ART3: variants seen among roughly 807,000 people sequenced by gnomAD.
ART3 encodes the protein ADP-ribosyltransferase 3 (inactive).
ART3 carries 49 observed loss-of-function variants against 48.5 expected under a neutral mutation model. The observed-to-expected ratio is 1.01, with a 90% CI of 0.80 to 1.28. ART3 has a LOEUF of 1.28. Ranked by LOEUF, ART3 falls within the 50% of genes most tolerant of loss-of-function variation. The probability of loss-of-function intolerance (pLI) is 0.00; values close to 1 mark genes in which losing one functional copy is unlikely to be tolerated. For missense variants in ART3, 438 were observed against 454.3 expected (o/e 0.96, Z 0.33); for synonymous variants, 145 against 157.2 (o/e 0.92, Z 0.58).
chr4:76,025,057 A>G (rs561450497), intron 1 of ART3, among the ~76,000 whole-genome samples: 4 of 152,338 alleles, frequency 2.6e-5, no homozygotes, highest in South Asian at 2.1e-4. Context: ...TTTCAAGTGA[A>G]TAAGTCAGTG....
chr4:76,064,124 G>A (rs1407136150), intron 1 of ART3, among the ~76,000 whole-genome samples: 1 of 152,178 alleles, frequency 6.6e-6, no homozygotes, highest in East Asian at 1.9e-4. Context: ...CTAGTTGTTG[G>A]CCTGGAGAGC....
At chr4:76,060,436 T>C (rs1487802751) in intron 1 of ART3, among the ~76,000 whole-genome samples, 1 of 152,212 alleles carries the variant, frequency 6.6e-6, no homozygotes, top group Non-Finnish European at 1.5e-5. Flanking sequence ...TCTTGAAATC[T>C]TGTCTCTCTC....
intron 1 of ART3, among the ~76,000 whole-genome samples, chr4:76,028,419 T>C (rs1050047852): frequency 6.6e-6 from 1 of 152,252 alleles, no homozygotes; most frequent in African/African-American, 2.4e-5. Flanking sequence ...TCGCTATTGA[T>C]TTATCTTTAA....
chr4:76,085,302 G>A (rs949238079), intron 3 of ART3, among the ~76,000 whole-genome samples: 1 of 152,152 alleles, frequency 6.6e-6, no homozygotes, highest in Non-Finnish European at 1.5e-5. Flanking sequence ...TGTAGCCAAG[G>A]TACTATGAGA....
chr4:76,083,169 G>A (rs112234367), intron 3 of ART3, among the ~76,000 whole-genome samples: 2 of 152,132 alleles, frequency 1.3e-5, no homozygotes, highest in Non-Finnish European at 2.9e-5. Flanking sequence ...CTGCACTGCA[G>A]TCTTGCAGCA....
chr4:76,040,936 T>G (rs1734920363), intron 1 of ART3, among the ~76,000 whole-genome samples: 1 of 152,228 alleles, frequency 6.6e-6, no homozygotes, highest in African/African-American at 2.4e-5. Flanking sequence ...ACTCTCTCCC[T>G]CTTTACTGCT....
chr4:76,038,021 C>T (rs551158607), intron 1 of ART3, among the ~76,000 whole-genome samples: 3 of 152,098 alleles, frequency 2.0e-5, no homozygotes, highest in Non-Finnish European at 4.4e-5. Flanking sequence ...CTTTGAAAGT[C>T]TTTACAGTAG....
In ART3 at chr4:76,087,154, G is replaced by A. The variant is rs62318912; in HGVS notation, c.781+4619G>A. Among the ~76,000 whole-genome samples the A allele has an allele frequency of 8.7e-4, 132 of 152,296 alleles. 1 individual carries two copies. Among genetic ancestry groups the A allele is most frequent in the Non-Finnish European group, 1.3e-3 (90 of 68,020 alleles). On this transcript the variant is annotated intron_variant, in intron 3 of 11. Coordinates refer to ENST00000355810, the MANE Select transcript of ART3 (RefSeq NM_001130016.3). ...GGGTCTGGTTGATGGGCTGAGGTGG[G>A]CAATGGAGCCCACAGACTCCATGTT...
chr4:76,095,517 A>T (rs950874992), intron 3 of ART3, among the ~76,000 whole-genome samples: 2 of 152,172 alleles, frequency 1.3e-5, no homozygotes, highest in Non-Finnish European at 2.9e-5. Context: ...CAAAAAGAAA[A>T]AATAATAATA....
intron 1 of ART3, chr4:76,022,853 C>CA (rs1732994799): frequency 1.3e-6 from 2 of 1,587,678 alleles, no homozygotes; most frequent in African/African-American, 2.7e-5. Context: ...AAGGTTAGCA[C>CA]AGTGTTCATT....
intron 3 of ART3, among the ~76,000 whole-genome samples, chr4:76,093,331 A>G (rs988731928): frequency 2.6e-5 from 4 of 152,144 alleles, no homozygotes; most frequent in African/African-American, 9.7e-5. Flanking sequence ...TGATGGGCTG[A>G]GATGGGAGGA....
chr4:76,082,883 T>TA (rs1722775608), intron 3 of ART3, among the ~76,000 whole-genome samples: 1 of 152,078 alleles, frequency 6.6e-6, no homozygotes, highest in Non-Finnish European at 1.5e-5. Flanking sequence ...GAAACACTGA[T>TA]AGACAATGCA....
intron 1 of ART3, among the ~76,000 whole-genome samples, chr4:76,054,484 A>G (rs1369725203): frequency 1.3e-5 from 2 of 152,242 alleles, no homozygotes; most frequent in Admixed American, 1.3e-4. Flanking sequence ...TATTTCTTAT[A>G]TAATCTTGAT....
At chr4:76,102,381 G>T (rs904102352) in intron 8 of ART3, among the ~76,000 whole-genome samples, 1 of 152,180 alleles carries the variant, frequency 6.6e-6, no homozygotes, top group Admixed American at 6.5e-5. Flanking sequence ...TGGAACTTTA[G>T]CATGGGTGAC....
intron 1 of ART3, among the ~76,000 whole-genome samples, chr4:76,069,307 A>G (rs1201817319): frequency 7.2e-6 from 1 of 139,764 alleles, no homozygotes; most frequent in Non-Finnish European, 1.5e-5. Flanking sequence ...CCAGCCCTAA[A>G]AAAATCAATA....
At chr4:76,052,150 G>A (rs1178327292) in intron 1 of ART3, among the ~76,000 whole-genome samples, 3 of 152,214 alleles carry the variant, frequency 2.0e-5, no homozygotes, top group Admixed American at 1.3e-4. Context: ...GGAGGCTGAG[G>A]TGGGCAGATC....
chr4:76,100,257 GTTAAAAC>G (rs1560649044), intron 5 of ART3, 27 bp from the exon 6 acceptor site: 1 of 1,606,186 alleles, frequency 6.2e-7, no homozygotes, highest in Non-Finnish European at 8.5e-7. Flanking sequence ...TTGTTCCATT[GTTAAAAC>G]TGATGAACTT....
rs1723543152 is a variant in ART3 at position 76,086,229 on chromosome 4, A to G, written c.781+3694A>G. On this transcript the variant is annotated intron_variant, in intron 3 of 11. Transcript: ENST00000355810. ...TAACCAAGATATAGAAACAACCTAA[A>G]TGTCCACCAGCAGACAAGGGGGTAA... 2.0e-5 allele frequency among the ~76,000 whole-genome samples: 3 copies of G among 152,014 alleles called. No homozygotes were observed. The South Asian group carries it at 6.2e-4, about 32-fold the overall frequency.
At position 76,082,379 on chromosome 4, in the gene ART3, G is replaced by A; in HGVS notation, c.625G>A (p.Val209Ile). 6.2e-7 allele frequency: 1 copy of A among 1,614,202 alleles called. No individual in the cohort carries two copies. The highest frequency in any genetic ancestry group is 8.5e-7 in the Non-Finnish European group (1 of 1,180,042). The change falls in exon 3 of 12, where the codon GTT (valine) becomes ATT (isoleucine). Residue 209 changes from valine to isoleucine, a missense_variant. Physicochemically the swap from Val to Ile is conservative, Grantham distance 29 (BLOSUM62 3). This residue lies in a region of ART3 where 227 missense variants were observed against 229.6 expected (regional missense o/e 0.99). Transcript: ENST00000355810. The stretch of plus-strand genomic sequence containing the variant: ...GTTATCCATCTACACATGCCTTGGA[G>A]TTGACATTGAAAATTTTCTTGATAA... ...TVLSIYTCLG[V>I]DIENFLDKES... is the part of the protein sequence containing the mutation.
Sources: gnomAD v4.1 joint callset for allele counts (sites outside exome capture counted in the v4.1 genomes callset) on GRCh38, gnomAD v4.1.1 for gene constraint, gnomAD v4.1.1 regional missense constraint, MANE v1.5 for transcripts, NCBI Gene and HGNC (gene_info 2026-07-23, HGNC 2026-07-21) for gene names.